Variants in PCCA observed in about 807,000 individuals in gnomAD.
PCCA encodes the protein propionyl-CoA carboxylase alpha chain, mitochondrial.
Under a neutral mutation model 101.3 loss-of-function variants are expected in PCCA, and 74 were observed. The ratio of observed to expected loss-of-function variants is 0.73; its 90% confidence interval spans 0.61 to 0.89. PCCA has a LOEUF of 0.89. Ranked by LOEUF, PCCA falls within the 40% of genes least tolerant of loss-of-function variation. The probability of loss-of-function intolerance (pLI) is 0.00; values close to 1 mark genes in which losing one functional copy is unlikely to be tolerated. For synonymous variants in PCCA, 294 were observed against 313.6 expected (o/e 0.94, Z 0.66); for missense variants, 891 against 907.0 (o/e 0.98, Z 0.23).
chr13:100,150,608 C>G, intron 4 of PCCA: 2 of 1,190,580 alleles, frequency 1.7e-6, no homozygotes, highest in Non-Finnish European at 2.5e-6. Context: ...CAGATGTCAG[C>G]CCACACATCT....
intron 6 of PCCA, among the ~76,000 whole-genome samples, chr13:100,206,515 C>T (rs1422405303): frequency 6.6e-6 from 1 of 152,148 alleles, no homozygotes; most frequent in Non-Finnish European, 1.5e-5. Flanking sequence ...CTGCCTTGGC[C>T]TCCCAAAGTG....
intron 21 of PCCA, among the ~76,000 whole-genome samples, chr13:100,494,214 A>AAATG (rs200317750): frequency 1.1e-3 from 167 of 152,220 alleles, no homozygotes; most frequent in African/African-American, 3.8e-3. Context: ...ATAAATAAAT[A>AAATG]AAGGGCAAAC....
intron 21 of PCCA, among the ~76,000 whole-genome samples, chr13:100,457,027 C>T (rs909608492): frequency 3.3e-5 from 5 of 152,214 alleles, no homozygotes; most frequent in African/African-American, 9.6e-5. Flanking sequence ...CTCATGCGGG[C>T]GTGACAGAGG....
At chr13:100,101,704 A>G (rs2047295976) in intron 1 of PCCA, among the ~76,000 whole-genome samples, 1 of 152,002 alleles carries the variant, frequency 6.6e-6, no homozygotes, top group South Asian at 2.1e-4. Context: ...GGTTCAAGCA[A>G]TTCTACCTCA....
Position 100,209,422 on chromosome 13 carries a change from G to T in PCCA, c.559G>T (p.Ala187Ser). The T allele has an allele frequency of 1.2e-6, 2 of 1,613,558 alleles. No individual in the cohort carries two copies. The highest frequency in any genetic ancestry group is 1.7e-6 in the Non-Finnish European group (2 of 1,179,526). ...KIESKLLAKK[A>S]EVNTIPGFDG... ...TGAAAGCAAATTATTAGCTAAGAAAGCAGAGGTTAATACAATCCCTGGCTT... is the reference window on the plus strand; with the variant it reads ...TGAAAGCAAATTATTAGCTAAGAAATCAGAGGTTAATACAATCCCTGGCTT... Residue 187 changes from alanine to serine, a missense_variant, in exon 7 of 24, where the codon GCA becomes TCA. Physicochemically the swap from Ala to Ser is moderately conservative, Grantham distance 99. Transcript: ENST00000376285.
intron 2 of PCCA, 127 bp from the exon 3 acceptor site, chr13:100,111,714 A>T: frequency 1.5e-6 from 1 of 661,614 alleles, no homozygotes; most frequent in South Asian, 1.8e-5. Flanking sequence ...ATTTAATGTT[A>T]CTCTAGGAAG....
At chr13:100,099,207 G>A (rs1373322196) in intron 1 of PCCA, among the ~76,000 whole-genome samples, 3 of 152,010 alleles carry the variant, frequency 2.0e-5, no homozygotes, top group Admixed American at 2.0e-4. Context: ...TTTTGGTTTT[G>A]GCAGAAATAG....
At chr13:100,521,786 T>G (rs1413584530) in intron 22 of PCCA, among the ~76,000 whole-genome samples, 1 of 152,094 alleles carries the variant, frequency 6.6e-6, no homozygotes, top group Non-Finnish European at 1.5e-5. Flanking sequence ...AATGAAATGG[T>G]GGGATTTTCA....
chr13:100,194,159 C>T (rs1217506072), intron 6 of PCCA, among the ~76,000 whole-genome samples: 1 of 151,712 alleles, frequency 6.6e-6, no homozygotes, highest in African/African-American at 2.4e-5. Context: ...TATAGTAAAA[C>T]ACAGCAATTA....
At chr13:100,275,686 T>A (rs1038350032) in intron 12 of PCCA, among the ~76,000 whole-genome samples, 8 of 152,196 alleles carry the variant, frequency 5.3e-5, no homozygotes, top group Non-Finnish European at 1.2e-4. Flanking sequence ...TTTCCTTTTT[T>A]TTTCTTTCTT....
At chr13:100,499,980 TC>T (rs1212301051) in intron 21 of PCCA, among the ~76,000 whole-genome samples, 6 of 152,240 alleles carry the variant, frequency 3.9e-5, no homozygotes, top group Non-Finnish European at 7.3e-5. Context: ...ATTCATTTTT[TC>T]TTTTTTTAAA....
intron 16 of PCCA, among the ~76,000 whole-genome samples, chr13:100,321,589 ATCTGTG>A (rs2068040967): frequency 1.4e-5 from 1 of 70,060 alleles, no homozygotes. Flanking sequence ...GCTATAGAAG[ATCTGTG>A]TGTGTGTGTG....
At chr13:100,414,229 T>C (rs770827623) in intron 19 of PCCA, among the ~76,000 whole-genome samples, 1 of 152,314 alleles carries the variant, frequency 6.6e-6, no homozygotes, top group East Asian at 1.9e-4. Context: ...TTATTACATA[T>C]ATATTTGGGA....
intron 6 of PCCA, among the ~76,000 whole-genome samples, chr13:100,159,051 T>A (rs2054163706): frequency 6.8e-6 from 1 of 147,834 alleles, no homozygotes; most frequent in African/African-American, 2.5e-5. Context: ...ATATACAGTT[T>A]ATGCATTTTT....
At chr13:100,145,789 G>A (rs2052464367) in intron 4 of PCCA, among the ~76,000 whole-genome samples, 1 of 151,250 alleles carries the variant, frequency 6.6e-6, no homozygotes, top group South Asian at 2.1e-4. Flanking sequence ...TTGAACCCAG[G>A]AGGTGGAGGT....
At chr13:100,147,518 G>T (rs1296940372) in intron 4 of PCCA, among the ~76,000 whole-genome samples, 1 of 152,120 alleles carries the variant, frequency 6.6e-6, no homozygotes, top group South Asian at 2.1e-4. Context: ...TAAAAATATT[G>T]ATTTCAGTGG....
intron 20 of PCCA, among the ~76,000 whole-genome samples, chr13:100,433,495 T>C (rs1184075014): frequency 6.6e-6 from 1 of 152,048 alleles, no homozygotes; most frequent in Non-Finnish European, 1.5e-5. Context: ...AGCAAGTTTC[T>C]TAGAGCTGTT....
chr13:100,430,504 A>G (rs111322083), intron 20 of PCCA, among the ~76,000 whole-genome samples: 2 of 152,238 alleles, frequency 1.3e-5, no homozygotes, highest in South Asian at 2.1e-4. Context: ...GTGTTCCTCC[A>G]GGAGTTGTCT....
chr13:100,487,380 C>T (rs1415972985), intron 21 of PCCA, among the ~76,000 whole-genome samples: 4 of 152,166 alleles, frequency 2.6e-5, no homozygotes, highest in African/African-American at 9.7e-5. Flanking sequence ...AACTTCAAAT[C>T]ACTGAATGAC....
Sources: gnomAD v4.1 joint callset for allele counts (sites outside exome capture counted in the v4.1 genomes callset) on GRCh38, gnomAD v4.1.1 for gene constraint, MANE v1.5 for transcripts, NCBI Gene and HGNC (gene_info 2026-07-23, HGNC 2026-07-21) for gene names.